Variants in MAPRE3 observed in about 807,000 individuals in gnomAD.
MAPRE3 encodes the protein microtubule associated protein RP/EB family member 3, also known as microtubule-associated protein RP/EB family member 3.
Under a neutral mutation model 30.5 loss-of-function variants are expected in MAPRE3, and 2 were observed. The ratio of observed to expected loss-of-function variants is 0.07; its 90% CI spans 0.03 to 0.21. MAPRE3 has a LOEUF of 0.21. Ranked by LOEUF, MAPRE3 falls within the 10% of genes least tolerant of loss-of-function variation. MAPRE3 has a pLI of 1.00. For synonymous variants in MAPRE3, 110 were observed against 127.7 expected (o/e 0.86, Z 0.93); for missense variants, 204 against 351.8 (o/e 0.58, Z 3.36).
Position 27,024,179 on chromosome 2 carries a change from A to T in MAPRE3, c.351A>T (p.Ala117=), listed in dbSNP as rs1396262629. Reference sequence around the variant, plus strand: ...AGTGGTTTAAGAAATTCTTTGACGCAAACTATGATGGAAAGGATTACAACC... The same window carrying T: ...AGTGGTTTAAGAAATTCTTTGACGCTAACTATGATGGAAAGGATTACAACC... ...FIQWFKKFFD[A]NYDGKDYNPL... The change falls in exon 4 of 7, where the codon GCA becomes GCT. Residue 117 remains alanine (A), a synonymous_variant. Transcript: ENST00000233121. 1.9e-6 allele frequency: 3 copies of T among 1,614,126 alleles called. No homozygotes were observed. Among genetic ancestry groups the T allele is most frequent in the Non-Finnish European group, 2.5e-6 (3 of 1,180,040 alleles).
chr2:26,978,701 A>T (rs1197540502), intron 1 of MAPRE3, among the ~76,000 whole-genome samples: 1 of 152,234 alleles, frequency 6.6e-6, no homozygotes, highest in Non-Finnish European at 1.5e-5. Context: ...CAGATTATTC[A>T]TATAAATTTG....
At chr2:27,009,739 T>A (rs987789502) in intron 1 of MAPRE3, 2 of 152,262 alleles carry the variant, frequency 1.3e-5, no homozygotes, top group African/African-American at 4.8e-5. Context: ...GTCCTTTCCT[T>A]CCTCCCCATG....
intron 4 of MAPRE3, among the ~76,000 whole-genome samples, chr2:27,024,620 C>G (rs1667194335): frequency 6.6e-6 from 1 of 152,228 alleles, no homozygotes; most frequent in South Asian, 2.1e-4. Flanking sequence ...GGCTTGGTTT[C>G]TCCATCCAGG....
At chr2:26,991,069 T>C (rs6705514) in intron 1 of MAPRE3, among the ~76,000 whole-genome samples, 84,488 of 152,010 alleles carry the variant, frequency 0.56, 24,191 homozygotes, top group East Asian at 0.77. Flanking sequence ...CTGGCTAACA[T>C]GGTGAAACCC....
At chr2:26,993,622 G>A (rs1196994396) in intron 1 of MAPRE3, among the ~76,000 whole-genome samples, 2 of 152,170 alleles carry the variant, frequency 1.3e-5, no homozygotes, top group African/African-American at 4.8e-5. Flanking sequence ...GGGAGGATGT[G>A]TAGCTCCTGC....
In MAPRE3 at chr2:26,999,488, C is replaced by CTTTTTTTTTTTTTTTTTTTTT. The variant is rs531651199; in HGVS notation, c.-7-22717_-7-22697dup. Among the ~76,000 whole-genome samples the CTTTTTTTTTTTTTTTTTTTTT allele has an allele frequency of 5.1e-5, 4 of 79,006 alleles. 1 individual carries two copies. Among genetic ancestry groups the CTTTTTTTTTTTTTTTTTTTTT allele is most frequent in the Non-Finnish European group, 6.8e-5 (3 of 44,048 alleles). 51.8% of individuals were successfully genotyped at this position (79,006 alleles called of 152,430 possible). A position where few individuals can be genotyped will look rare whatever the true frequency, so the allele number is the denominator to read the frequency against. On this transcript the variant is annotated intron_variant, in intron 1 of 6. Coordinates refer to ENST00000233121, the MANE Select transcript of MAPRE3 (RefSeq NM_012326.4). ...TTTTTTCTTCTTTCTTTCCTTCTTT[C>CTTTTTTTTTTTTTTTTTTTTT]TTTTTTTTTTTTTTTTTTTTTTTTT...
chr2:26,978,666 C>T (rs186322905), intron 1 of MAPRE3, among the ~76,000 whole-genome samples: 107 of 152,288 alleles, frequency 7.0e-4, no homozygotes, highest in Non-Finnish European at 1.3e-3. Context: ...CTTCTATTAC[C>T]CCAAAAGTAT....
Position 27,018,675 on chromosome 2 carries a change from A to G in MAPRE3, c.-7-3537A>G, listed in dbSNP as rs972704686. 3.4e-4 allele frequency among the ~76,000 whole-genome samples: 52 copies of G among 152,118 alleles called. 1 individual carries two copies. Among genetic ancestry groups the G allele is most frequent in the Admixed American group, 1.3e-4 (2 of 15,256 alleles). ...ACCCTACCCACTCTGCCCCTTCGGC[A>G]AGCTTAGCATCCATCCACCCATCCA... On this transcript the variant is annotated intron_variant, in intron 1 of 6. Coordinates refer to ENST00000233121, the MANE Select transcript of MAPRE3 (RefSeq NM_012326.4).
At chr2:27,000,485 A>G (rs1456739857) in intron 1 of MAPRE3, among the ~76,000 whole-genome samples, 1 of 152,254 alleles carries the variant, frequency 6.6e-6, no homozygotes, top group Non-Finnish European at 1.5e-5. Context: ...GAAAAGTGAA[A>G]GACTTAAAAA....
At chr2:26,987,479 A>G (rs1041489084) in intron 1 of MAPRE3, among the ~76,000 whole-genome samples, 2 of 152,180 alleles carry the variant, frequency 1.3e-5, no homozygotes, top group East Asian at 1.9e-4. Flanking sequence ...TCTACTAAAA[A>G]TACAAAAAAA....
intron 1 of MAPRE3, among the ~76,000 whole-genome samples, chr2:26,971,417 C>G (rs1194941755): frequency 2.0e-5 from 3 of 152,140 alleles, no homozygotes; most frequent in Non-Finnish European, 4.4e-5. Context: ...GGGTTCAGCC[C>G]CATCGTGATC....
chr2:26,984,586 A>C (rs1331247699), intron 1 of MAPRE3, among the ~76,000 whole-genome samples: 1 of 152,230 alleles, frequency 6.6e-6, no homozygotes, highest in Non-Finnish European at 1.5e-5. Flanking sequence ...CCAAGGAAAC[A>C]TATGCTCCAA....
rs115368458 is a variant in MAPRE3, at chr2:26,982,096, T to A, written c.-8+11294T>A. Among the ~76,000 whole-genome samples the A allele has an allele frequency of 8.3e-3, 1,270 of 152,308 alleles. 18 individuals are homozygous for A. The highest frequency in any genetic ancestry group is 0.03 in the African/African-American group (1,234 of 41,552). On this transcript the variant is annotated intron_variant, in intron 1 of 6. Transcript: ENST00000233121. ...TGCAGTGTACAAAGTGTACAACTGT[T>A]TATAACAGCCCTGTTTCTCTCTTGC...
At chr2:27,001,181 A>G (rs1035496527) in intron 1 of MAPRE3, among the ~76,000 whole-genome samples, 12 of 152,156 alleles carry the variant, frequency 7.9e-5, no homozygotes, top group African/African-American at 2.2e-4. Flanking sequence ...TGATTTTGCC[A>G]TTGTGCAAAC....
At chr2:26,993,840 T>C (rs1666400162) in intron 1 of MAPRE3, among the ~76,000 whole-genome samples, 1 of 152,174 alleles carries the variant, frequency 6.6e-6, no homozygotes, top group Non-Finnish European at 1.5e-5. Context: ...GACCATTGAT[T>C]GTGTCCAAAA....
At chr2:27,007,074 G>C (rs1384818814) in intron 1 of MAPRE3, among the ~76,000 whole-genome samples, 1 of 152,146 alleles carries the variant, frequency 6.6e-6, no homozygotes, top group Non-Finnish European at 1.5e-5. Context: ...TCTATTTGCT[G>C]CTCTTTAATT....
chr2:27,003,942 T>G (rs969906965), intron 1 of MAPRE3, among the ~76,000 whole-genome samples: 2 of 152,216 alleles, frequency 1.3e-5, no homozygotes, highest in African/African-American at 4.8e-5. Flanking sequence ...TTGAGTTAGC[T>G]TGAACCTTCA....
chr2:27,019,385 G>GGCAGGGGGACC (rs1452977582), intron 1 of MAPRE3, among the ~76,000 whole-genome samples: 7 of 150,972 alleles, frequency 4.6e-5, no homozygotes, highest in African/African-American at 1.7e-4. Context: ...GCAGGGGGAT[G>GGCAGGGGGACC]GCAGGGGGAC....
intron 1 of MAPRE3, among the ~76,000 whole-genome samples, chr2:26,987,595 G>A (rs964029315): frequency 2.6e-5 from 4 of 152,092 alleles, no homozygotes; most frequent in Middle Eastern, 3.2e-3. Flanking sequence ...CCGAGATCGC[G>A]CCATTGCACT....
Sources: gnomAD v4.1 joint callset for allele counts (sites outside exome capture counted in the v4.1 genomes callset) on GRCh38, gnomAD v4.1.1 for gene constraint, MANE v1.5 for transcripts, NCBI Gene and HGNC (gene_info 2026-07-23, HGNC 2026-07-21) for gene names.